The following SPMIP2 variants were observed in gnomAD, a reference collection of about 807,000 sequenced individuals.
The protein encoded by SPMIP2 is protein SPMIP2.
At chr4:159,061,092 AAAATATATATATATATAC>A in the SPMIP2 span, among the ~76,000 whole-genome samples, 1 of 143,972 alleles carries the variant, frequency 6.9e-6, no homozygotes, top group East Asian at 2.0e-4. Flanking sequence ...CTCAAAAAAA[AAAATATATATATATATAC>A]ATATATATAT....
chr4:159,048,731 C>CTTT, the SPMIP2 span, among the ~76,000 whole-genome samples: 311 of 111,468 alleles, frequency 2.8e-3, 1 homozygote, highest in African/African-American at 3.4e-3. Context: ...TCCCCTTCCA[C>CTTT]TTTTTTTTTT....
At chr4:159,057,514 T>C in the SPMIP2 span, among the ~76,000 whole-genome samples, 1 of 152,148 alleles carries the variant, frequency 6.6e-6, no homozygotes, top group African/African-American at 2.4e-5. Context: ...GCATGGCTGA[T>C]GGTAGAGAAA....
the SPMIP2 span, among the ~76,000 whole-genome samples, chr4:158,947,376 A>G: frequency 6.6e-6 from 1 of 152,218 alleles, no homozygotes; most frequent in Non-Finnish European, 1.5e-5. Context: ...TATGAAATAA[A>G]ACAGGCAATT....
At chr4:158,965,903 G>C in the SPMIP2 span, among the ~76,000 whole-genome samples, 3 of 152,174 alleles carry the variant, frequency 2.0e-5, no homozygotes, top group Non-Finnish European at 4.4e-5. Flanking sequence ...GGCTGGTATT[G>C]ATGTTGTATT....
chr4:158,978,513 G>T, the SPMIP2 span, among the ~76,000 whole-genome samples: 2 of 151,932 alleles, frequency 1.3e-5, no homozygotes, highest in South Asian at 2.1e-4. Context: ...TTAACGGTGG[G>T]GTGTTAGACT....
At chr4:159,065,616 G>A in the SPMIP2 span, among the ~76,000 whole-genome samples, 1 of 152,170 alleles carries the variant, frequency 6.6e-6, no homozygotes, top group Admixed American at 6.5e-5. Context: ...TACTTGGGAG[G>A]CTGAGGTGGG....
chr4:159,081,080 C>G, the SPMIP2 span, among the ~76,000 whole-genome samples: 5 of 148,880 alleles, frequency 3.4e-5, 1 homozygote, highest in African/African-American at 1.2e-4. Flanking sequence ...CTCTGTCACC[C>G]AGGCTGGAGT....
At chr4:158,900,974 G>T in the SPMIP2 span, among the ~76,000 whole-genome samples, 1 of 152,066 alleles carries the variant, frequency 6.6e-6, no homozygotes, top group Non-Finnish European at 1.5e-5. Context: ...GGCTGGTACC[G>T]CTTTTTCCTT....
At chr4:158,960,131 G>A in the SPMIP2 span, among the ~76,000 whole-genome samples, 1 of 151,772 alleles carries the variant, frequency 6.6e-6, no homozygotes, top group Admixed American at 6.6e-5. Flanking sequence ...CATATTTACT[G>A]TGTTTATTAG....
the SPMIP2 span, among the ~76,000 whole-genome samples, chr4:159,028,735 G>T: frequency 2.0e-5 from 3 of 152,162 alleles, no homozygotes; most frequent in Admixed American, 6.5e-5. Context: ...ATGCTCTAAA[G>T]TAGTTTTAAA....
the SPMIP2 span, among the ~76,000 whole-genome samples, chr4:159,031,585 G>A: frequency 2.0e-5 from 3 of 152,190 alleles, no homozygotes; most frequent in African/African-American, 7.2e-5. Context: ...GGAAAATTTT[G>A]TTATGGAGTT....
chr4:159,078,144 G>A, the SPMIP2 span, among the ~76,000 whole-genome samples: 3 of 152,066 alleles, frequency 2.0e-5, no homozygotes, highest in African/African-American at 7.2e-5. Context: ...AGTAAAGGGG[G>A]AAAATCGGAA....
chr4:158,932,564 G>A, the SPMIP2 span, among the ~76,000 whole-genome samples: 1 of 152,068 alleles, frequency 6.6e-6, no homozygotes, highest in South Asian at 2.1e-4. Context: ...AGTTTCTATC[G>A]ACTGTTTTTT....
At chr4:159,002,250 A>C in the SPMIP2 span, among the ~76,000 whole-genome samples, 3 of 152,184 alleles carry the variant, frequency 2.0e-5, no homozygotes, top group Non-Finnish European at 2.9e-5. Flanking sequence ...TGCTCTGAAT[A>C]CAAGTCCTTT....
At chr4:158,990,441 AGCACTGTT>A in the SPMIP2 span, among the ~76,000 whole-genome samples, 1 of 152,200 alleles carries the variant, frequency 6.6e-6, no homozygotes, top group African/African-American at 2.4e-5. Context: ...TGGTTATTGC[AGCACTGTT>A]CACAATAGTG....
At chr4:159,037,127 A>T in the SPMIP2 span, among the ~76,000 whole-genome samples, 1 of 152,174 alleles carries the variant, frequency 6.6e-6, no homozygotes, top group Non-Finnish European at 1.5e-5. Flanking sequence ...TTAACACTTC[A>T]GGGGAAATGC....
the SPMIP2 span, among the ~76,000 whole-genome samples, chr4:159,074,626 C>T: frequency 1.3e-5 from 2 of 152,078 alleles, no homozygotes; most frequent in Non-Finnish European, 2.9e-5. Flanking sequence ...ATATAAGTGA[C>T]CCACCATGAT....
the SPMIP2 span, among the ~76,000 whole-genome samples, chr4:158,983,040 C>T: frequency 6.6e-6 from 1 of 152,034 alleles, no homozygotes; most frequent in African/African-American, 2.4e-5. Context: ...CCGATGCGAT[C>T]AACTGGAAGA....
chr4:158,980,209 G>A, the SPMIP2 span, among the ~76,000 whole-genome samples: 1 of 152,170 alleles, frequency 6.6e-6, no homozygotes, highest in Non-Finnish European at 1.5e-5. Flanking sequence ...CCCCAGTCAG[G>A]GGGTTATAGA....
Sources: allele counts gnomAD v4.1 joint callset (sites outside exome capture counted in the v4.1 genomes callset), GRCh38; gene constraint gnomAD v4.1.1; transcripts MANE v1.5; gene names NCBI Gene and HGNC (gene_info 2026-07-23, HGNC 2026-07-21).